Variants in TBX15 observed in about 807,000 individuals in gnomAD.
TBX15 encodes T-box transcription factor 15.
TBX15 carries 18 observed loss-of-function variants against 53.9 expected under a neutral mutation model. The ratio of observed to expected loss-of-function variants is 0.33; its 90% confidence interval spans 0.23 to 0.49. The LOEUF (loss-of-function observed/expected upper bound fraction) is 0.49. TBX15 is among the 20% of genes least tolerant of loss of function. The probability of loss-of-function intolerance (pLI) is 0.98; values close to 1 mark genes in which losing one functional copy is unlikely to be tolerated. For missense variants in TBX15, 692 were observed against 749.5 expected (o/e 0.92, Z 0.90); for synonymous variants, 295 against 278.0 (o/e 1.06, Z -0.61).
intron 1 of TBX15, among the ~76,000 whole-genome samples, chr1:118,951,367 G>C (rs747122981): frequency 6.6e-5 from 10 of 152,192 alleles, no homozygotes; most frequent in Non-Finnish European, 1.3e-4. Flanking sequence ...AAGAAGCAAC[G>C]ACAACTCTCT....
At chr1:118,901,144 C>G (rs1479073739) in intron 6 of TBX15, among the ~76,000 whole-genome samples, 2 of 152,118 alleles carry the variant, frequency 1.3e-5, no homozygotes, top group Non-Finnish European at 2.9e-5. Context: ...GCTGCTATAA[C>G]CTACCATATG....
Position 118,988,191 on chromosome 1 carries a change from T to G in TBX15, c.-396A>C. 1 of 191,654 alleles carries G rather than the reference T, an allele frequency of 5.2e-6. No individual in the cohort carries two copies. The highest frequency in any genetic ancestry group is 1.1e-5 in the Non-Finnish European group (1 of 94,582). The allele number at this position is 191,654 out of a possible 1,614,324, so 11.9% of individuals were successfully genotyped here. A position where few individuals can be genotyped will look rare whatever the true frequency, so the allele number is the denominator to read the frequency against. On this transcript the variant is annotated 5_prime_UTR_variant, in exon 1 of 8. Coordinates refer to ENST00000369429, the MANE Select transcript of TBX15 (RefSeq NM_001330677.2). ...TCTCTCCCCTCCCTCTCTTTTTCTC[T>G]CCTCCCCCTCTCTCTCTCTTCCTCT...
intron 1 of TBX15, among the ~76,000 whole-genome samples, chr1:118,949,158 GT>G (rs2101652097): frequency 6.6e-6 from 1 of 152,276 alleles, no homozygotes; most frequent in East Asian, 1.9e-4. Flanking sequence ...GGACACAGGA[GT>G]CAGGAATAGC....
chr1:118,895,209 A>G (rs1654379865), intron 7 of TBX15, among the ~76,000 whole-genome samples: 1 of 152,182 alleles, frequency 6.6e-6, no homozygotes, highest in African/African-American at 2.4e-5. Context: ...CTGCCTGACA[A>G]ACACTGAAAC....
chr1:118,891,818 T>C (rs1654155922), intron 7 of TBX15, among the ~76,000 whole-genome samples: 1 of 152,178 alleles, frequency 6.6e-6, no homozygotes, highest in Non-Finnish European at 1.5e-5. Flanking sequence ...GTGCCTACAT[T>C]AAGCTTTGCC....
chr1:118,950,726 T>C (rs1309185241), intron 1 of TBX15, among the ~76,000 whole-genome samples: 1 of 152,164 alleles, frequency 6.6e-6, no homozygotes, highest in Non-Finnish European at 1.5e-5. Flanking sequence ...TATTCTCTAA[T>C]AGGAAAGCTT....
chr1:118,886,674 A>G (rs1212320638), intron 7 of TBX15, among the ~76,000 whole-genome samples: 2 of 152,196 alleles, frequency 1.3e-5, no homozygotes, highest in African/African-American at 4.8e-5. Flanking sequence ...AGTCTTTCCT[A>G]AACTTGAGTG....
intron 2 of TBX15, among the ~76,000 whole-genome samples, chr1:118,928,659 C>G (rs1241765178): frequency 6.6e-6 from 1 of 152,126 alleles, no homozygotes; most frequent in Non-Finnish European, 1.5e-5. Flanking sequence ...TATGGTTTCC[C>G]CCAGTCACCT....
At chr1:118,890,612 G>A (rs1173447773) in intron 7 of TBX15, among the ~76,000 whole-genome samples, 1 of 152,180 alleles carries the variant, frequency 6.6e-6, no homozygotes, top group Non-Finnish European at 1.5e-5. Context: ...AATTCCGTAT[G>A]AGGACAATAA....
intron 1 of TBX15, among the ~76,000 whole-genome samples, chr1:118,984,021 T>C (rs546620369): frequency 3.8e-4 from 58 of 152,344 alleles, no homozygotes; most frequent in South Asian, 1.2e-3. Context: ...GAGTTTTATT[T>C]TGAGCAAACA....
intron 7 of TBX15, among the ~76,000 whole-genome samples, chr1:118,895,382 T>C (rs906431147): frequency 6.6e-6 from 1 of 152,166 alleles, no homozygotes; most frequent in African/African-American, 2.4e-5. Flanking sequence ...TCAAATAGCT[T>C]GAAGTCACTG....
At chr1:118,899,552 C>T (rs775866824) in intron 6 of TBX15, among the ~76,000 whole-genome samples, 1 of 152,152 alleles carries the variant, frequency 6.6e-6, no homozygotes, top group Non-Finnish European at 1.5e-5. Flanking sequence ...GTCAACTCCT[C>T]ACCTTGGGTA....
At chr1:118,927,128 A>G (rs557739754) in intron 2 of TBX15, among the ~76,000 whole-genome samples, 31 of 152,312 alleles carry the variant, frequency 2.0e-4, no homozygotes, top group African/African-American at 7.2e-4. Flanking sequence ...TCACTATGAA[A>G]TATACAATAG....
intron 1 of TBX15, among the ~76,000 whole-genome samples, chr1:118,957,601 C>A (rs1159116594): frequency 6.6e-6 from 1 of 152,166 alleles, no homozygotes; most frequent in African/African-American, 2.4e-5. Flanking sequence ...AGGTACATCT[C>A]CTAAAGCTAT....
intron 1 of TBX15, among the ~76,000 whole-genome samples, chr1:118,947,141 G>A (rs903974220): frequency 6.6e-6 from 1 of 152,188 alleles, no homozygotes; most frequent in African/African-American, 2.4e-5. Flanking sequence ...AGCTCCACAG[G>A]GAAAGCTGGA....
chr1:118,955,516 T>C (rs1656660351), intron 1 of TBX15, among the ~76,000 whole-genome samples: 1 of 152,142 alleles, frequency 6.6e-6, no homozygotes, highest in South Asian at 2.1e-4. Flanking sequence ...GCTTTTACAA[T>C]CTAGTGTGTA....
At chr1:118,890,898 T>G (rs1457400550) in intron 7 of TBX15, 1 of 1,303,986 alleles carries the variant, frequency 7.7e-7, no homozygotes, top group Admixed American at 2.3e-5. Context: ...TTCTCTCGTA[T>G]AATTCAATGG....
At chr1:118,908,920 T>TCACACA (rs113048062) in intron 6 of TBX15, among the ~76,000 whole-genome samples, 52 of 149,260 alleles carry the variant, frequency 3.5e-4, no homozygotes, top group Non-Finnish European at 5.5e-4. Context: ...CACTCAACAT[T>TCACACA]CACACACACA....
chr1:118,970,458 G>A (rs1451053334), intron 1 of TBX15, among the ~76,000 whole-genome samples: 1 of 152,116 alleles, frequency 6.6e-6, no homozygotes, highest in African/African-American at 2.4e-5. Context: ...ACAAGATCTG[G>A]GTTAAAGAGA....
Sources: allele counts gnomAD v4.1 joint callset (sites outside exome capture counted in the v4.1 genomes callset), GRCh38; gene constraint gnomAD v4.1.1; transcripts MANE v1.5; gene names NCBI Gene and HGNC (gene_info 2026-07-23, HGNC 2026-07-21).